Variants in CELF4 observed in about 807,000 individuals in gnomAD.
CELF4 encodes the protein CUG-BP- and ETR-3-like factor 4.
A neutral mutation model predicts 59.9 loss-of-function variants in CELF4; 18 were observed. That is an observed-to-expected ratio of 0.30 (90% CI 0.21 to 0.45). CELF4 has a LOEUF of 0.45. Ranked by LOEUF, CELF4 falls within the 20% of genes least tolerant of loss-of-function variation. The pLI, the probability that CELF4 is intolerant of heterozygous loss-of-function variation, is 1.00. For synonymous variants in CELF4, 261 were observed against 267.1 expected (o/e 0.98, Z 0.22); for missense variants, 456 against 689.0 (o/e 0.66, Z 3.79).
At chr18:37,404,882 T>G (rs1222478420) in intron 2 of CELF4, among the ~76,000 whole-genome samples, 1 of 152,230 alleles carries the variant, frequency 6.6e-6, no homozygotes, top group Non-Finnish European at 1.5e-5. Flanking sequence ...GCCCATCCCT[T>G]GTCGCATGCT....
At chr18:37,288,397 C>A (rs1182673928) in intron 3 of CELF4, among the ~76,000 whole-genome samples, 2 of 152,338 alleles carry the variant, frequency 1.3e-5, no homozygotes, top group East Asian at 1.9e-4. Context: ...AAAGACCATG[C>A]CCTCAGAGAG....
intron 2 of CELF4, among the ~76,000 whole-genome samples, chr18:37,357,420 G>A (rs1464505682): frequency 6.6e-6 from 1 of 152,244 alleles, no homozygotes; most frequent in Non-Finnish European, 1.5e-5. Flanking sequence ...TTGAGGTTTG[G>A]AAACCTCTGC....
chr18:37,362,479 G>A (rs1383440379), intron 2 of CELF4, among the ~76,000 whole-genome samples: 1 of 152,142 alleles, frequency 6.6e-6, no homozygotes, highest in Non-Finnish European at 1.5e-5. Flanking sequence ...GACAAAGCGG[G>A]ACGAGGACAG....
At chr18:37,307,201 C>A (rs1205402556) in intron 3 of CELF4, among the ~76,000 whole-genome samples, 1 of 152,194 alleles carries the variant, frequency 6.6e-6, no homozygotes, top group Non-Finnish European at 1.5e-5. Context: ...TGGCAGCCAC[C>A]TGCCCTGTGC....
At chr18:37,258,899 C>T (rs1159602734) in intron 11 of CELF4, 2 of 533,902 alleles carry the variant, frequency 3.7e-6, no homozygotes. Context: ...ATTTCTTGGA[C>T]CGGGAGTGGG....
chr18:37,280,695 C>T (rs560040340), intron 3 of CELF4, among the ~76,000 whole-genome samples: 42 of 152,278 alleles, frequency 2.8e-4, no homozygotes, highest in East Asian at 1.5e-3. Context: ...GGTGGAGGGA[C>T]GCCTTCGGCT....
chr18:37,432,306 A>G (rs2099671856), intron 2 of CELF4, among the ~76,000 whole-genome samples: 1 of 152,232 alleles, frequency 6.6e-6, no homozygotes, highest in South Asian at 2.1e-4. Context: ...ACTGGTTTCC[A>G]TCTGAGGAGG....
At chr18:37,270,129 G>A (rs2090406562) in intron 8 of CELF4, among the ~76,000 whole-genome samples, 1 of 152,214 alleles carries the variant, frequency 6.6e-6, no homozygotes, top group African/African-American at 2.4e-5. Context: ...GGACGGCTAA[G>A]TTTGAGGAAA....
chr18:37,292,035 T>TA lies in CELF4; in HGVS notation c.449-16793dup, dbSNP rs10565799. Among the ~76,000 whole-genome samples, 377 of 148,444 alleles carry TA rather than the reference T, an allele frequency of 2.5e-3. 1 individual carries two copies. Among genetic ancestry groups the TA allele is most frequent in the African/African-American group, 5.6e-3 (229 of 40,854 alleles). On this transcript the variant is annotated intron_variant, in intron 3 of 12. Coordinates refer to ENST00000420428, the MANE Select transcript of CELF4 (RefSeq NM_020180.4). ...CTGGTGAATGAGATTAGCACCCTTA[T>TA]AAAAAAAAAAAAGAGGCCTGAGGGA...
intron 3 of CELF4, among the ~76,000 whole-genome samples, chr18:37,313,061 T>C (rs1754280639): frequency 6.6e-6 from 1 of 152,150 alleles, no homozygotes; most frequent in African/African-American, 2.4e-5. Context: ...GGTCTCCGGC[T>C]CTGAGGGGCA....
chr18:37,272,895 G>T (rs1008483948), intron 7 of CELF4, 121 bp downstream of exon 7: 5 of 971,174 alleles, frequency 5.1e-6, no homozygotes, highest in African/African-American at 1.6e-5. Context: ...AAGTCCTCTC[G>T]GGCCCAGACA....
intron 3 of CELF4, among the ~76,000 whole-genome samples, chr18:37,307,262 TGAA>T (rs1445655163): frequency 6.6e-6 from 1 of 152,132 alleles, no homozygotes; most frequent in East Asian, 1.9e-4. Flanking sequence ...TCATTTCAAA[TGAA>T]GGAGAAATCA....
chr18:37,457,261 G>A (rs974367696), intron 2 of CELF4, among the ~76,000 whole-genome samples: 1 of 152,178 alleles, frequency 6.6e-6, no homozygotes, highest in African/African-American at 2.4e-5. Flanking sequence ...GCTGATCGTG[G>A]CCCCTCGCTG....
At chr18:37,500,147 G>T (rs1278463989) in intron 1 of CELF4, among the ~76,000 whole-genome samples, 1 of 152,186 alleles carries the variant, frequency 6.6e-6, no homozygotes, top group Non-Finnish European at 1.5e-5. Flanking sequence ...AAATGGAAGG[G>T]AATCGGGAGA....
intron 2 of CELF4, among the ~76,000 whole-genome samples, chr18:37,425,805 G>A (rs1441703569): frequency 6.6e-6 from 1 of 152,234 alleles, no homozygotes; most frequent in Non-Finnish European, 1.5e-5. Flanking sequence ...GCCATCTGAA[G>A]ACACCTTGGA....
chr18:37,268,767 T>C (rs915436505), intron 8 of CELF4, among the ~76,000 whole-genome samples: 1 of 152,222 alleles, frequency 6.6e-6, no homozygotes, highest in African/African-American at 2.4e-5. Context: ...CCTAACGACC[T>C]CATTAGTAAC....
chr18:37,263,878 G>A (rs188098778), intron 10 of CELF4, among the ~76,000 whole-genome samples: 2 of 152,112 alleles, frequency 1.3e-5, no homozygotes, highest in African/African-American at 4.8e-5. Context: ...AGCTCCTGTG[G>A]GTGATAAACT....
chr18:37,432,984 G>A (rs915506410), intron 2 of CELF4, among the ~76,000 whole-genome samples: 28 of 152,114 alleles, frequency 1.8e-4, no homozygotes, highest in Non-Finnish European at 2.9e-4. Context: ...CCCAATCCAC[G>A]GTATGCGCAA....
chr18:37,434,172 G>C (rs1214012362), intron 2 of CELF4, among the ~76,000 whole-genome samples: 1 of 152,088 alleles, frequency 6.6e-6, no homozygotes, highest in Non-Finnish European at 1.5e-5. Flanking sequence ...AATACTCCAA[G>C]AGTTAACTAA....
Sources: allele counts gnomAD v4.1 joint callset (sites outside exome capture counted in the v4.1 genomes callset), GRCh38; gene constraint gnomAD v4.1.1; transcripts MANE v1.5; gene names NCBI Gene and HGNC (gene_info 2026-07-23, HGNC 2026-07-21).